Variants in CAMSAP2 observed in about 807,000 individuals in gnomAD.
CAMSAP2 encodes the protein calmodulin regulated spectrin associated protein family member 2.
In CAMSAP2, 26 loss-of-function variants were observed where a neutral mutation model predicts 146.1. The observed-to-expected ratio is 0.18, with a 90% CI of 0.13 to 0.25. The LOEUF (loss-of-function observed/expected upper bound fraction) is 0.25, where lower values mean the gene tolerates loss of function less well. Among genes scored for constraint, CAMSAP2 ranks in the 10% least tolerant of loss-of-function variants. The pLI, the probability that CAMSAP2 is intolerant of heterozygous loss-of-function variation, is 1.00. For missense variants in CAMSAP2, 1,381 were observed against 1,759.3 expected (o/e 0.78, Z 3.85); for synonymous variants, 499 against 596.6 (o/e 0.84, Z 2.38).
chr1:200,776,373 G>T (rs1013441522), intron 2 of CAMSAP2, among the ~76,000 whole-genome samples: 2 of 152,206 alleles, frequency 1.3e-5, no homozygotes, highest in African/African-American at 2.4e-5. Flanking sequence ...TAAAAGGGCT[G>T]TTTTTGTCCT....
chr1:200,754,197 T>G (rs927754855), intron 1 of CAMSAP2, among the ~76,000 whole-genome samples: 4 of 152,306 alleles, frequency 2.6e-5, no homozygotes, highest in African/African-American at 9.6e-5. Flanking sequence ...GTCTCTAAAT[T>G]TGGATTTGTT....
chr1:200,753,070 G>A (rs577301389), intron 1 of CAMSAP2, among the ~76,000 whole-genome samples: 75 of 151,906 alleles, frequency 4.9e-4, no homozygotes, highest in African/African-American at 1.7e-3. Context: ...TGAGGTGGGC[G>A]GATCACTTGA....
At chr1:200,830,084 A>G (rs1435433619) in intron 4 of CAMSAP2, among the ~76,000 whole-genome samples, 1 of 152,262 alleles carries the variant, frequency 6.6e-6, no homozygotes, top group African/African-American at 2.4e-5. Flanking sequence ...TTTCCATGCA[A>G]TAAGTTTATA....
chr1:200,740,079 T>C, intron 1 of CAMSAP2, 113 bp downstream of exon 1: 1 of 1,175,294 alleles, frequency 8.5e-7, no homozygotes, highest in East Asian at 2.4e-5. Flanking sequence ...TCGTACAGGT[T>C]AAGGGAGATG....
intron 4 of CAMSAP2, among the ~76,000 whole-genome samples, chr1:200,823,244 G>C (rs895994232): frequency 6.6e-6 from 1 of 152,088 alleles, no homozygotes; most frequent in Non-Finnish European, 1.5e-5. Context: ...ATCTGAATGA[G>C]CTTATGGATA....
intron 3 of CAMSAP2, 51 bp from the exon 4 acceptor site, chr1:200,815,510 G>A: frequency 1.1e-6 from 1 of 944,588 alleles, no homozygotes; most frequent in Non-Finnish European, 1.5e-6. Flanking sequence ...ATATTTGAAT[G>A]TAAATTCAAA....
At position 200,761,054 on chromosome 1, in the gene CAMSAP2, A is replaced by G; in HGVS notation, c.355A>G (p.Lys119Glu). The G allele has an allele frequency of 1.9e-6, 3 of 1,572,566 alleles. No individual in the cohort carries two copies. Among genetic ancestry groups the G allele is most frequent in the Non-Finnish European group, 2.6e-6 (3 of 1,159,568 alleles). ...AGGTCTTTATGTCACTGACCAGGAAAAATTGGTAACTGAACGAGATCTCCA... is the reference window on the plus strand; with the variant it reads ...AGGTCTTTATGTCACTGACCAGGAAGAATTGGTAACTGAACGAGATCTCCA... ...QKGLYVTDQE[K>E]LVTERDLHKK... Residue 119 changes from lysine (K) to glutamate (E), a missense_variant, in exon 2 of 17, where the codon AAA (lysine) becomes GAA (glutamate). Physicochemically the swap from Lys to Glu is moderately conservative, Grantham distance 56 (BLOSUM62 1). This residue lies in a region of CAMSAP2 where 284 missense variants were observed against 406.9 expected (regional missense o/e 0.70). Coordinates refer to ENST00000358823, the MANE Select transcript of CAMSAP2 (RefSeq NM_203459.4).
rs1381759529 is a variant in CAMSAP2, at chr1:200,850,211, G to T, written c.3442G>T (p.Val1148Leu). 6 of 1,588,744 alleles carry T rather than the reference G, an allele frequency of 3.8e-6. No homozygotes were observed. The highest frequency in any genetic ancestry group is 4.3e-6 in the Non-Finnish European group (5 of 1,170,414). The part of the protein sequence containing the change: ...DKEQFDDDQK[V>L]CCGFFFKDDQ... The stretch of plus-strand genomic sequence containing the variant: ...AGAACAATTTGATGATGACCAGAAA[G>T]TATGCTGTGGATTCTTTTTTAAGGT... The change falls in exon 11 of 17, where the codon GTA becomes TTA. Residue 1148 changes from valine (V) to leucine (L), a missense_variant. Physicochemically the swap from Val to Leu is conservative, Grantham distance 32. This residue lies in a region of CAMSAP2 where 560 missense variants were observed against 715.9 expected (regional missense o/e 0.78). Transcript: ENST00000358823.
rs1003563360 is a variant in CAMSAP2, at chr1:200,832,711, T to G, written c.793T>G (p.Cys265Gly). The change falls in exon 6 of 17, where the codon TGT (cysteine) becomes GGT (glycine). Residue 265 changes from cysteine (C) to glycine (G), a missense_variant. Transcript: ENST00000358823. The surrounding 1 kb of genome is among the most constrained non-coding windows in gnomAD (Gnocchi z 4.2). ...TGCTCTTTTCTTATTTGAAGATATTTGTTTGAAAGAAACTATGTCTTTGGC... is the reference window on the plus strand; with the variant it reads ...TGCTCTTTTCTTATTTGAAGATATTGGTTTGAAAGAAACTATGTCTTTGGC... ...CPDVVRLEDI[C>G]LKETMSLADS... 3 of 1,593,992 alleles carry G rather than the reference T, an allele frequency of 1.9e-6. No individual in the cohort carries two copies. The highest frequency in any genetic ancestry group is 2.6e-6 in the Non-Finnish European group (3 of 1,173,296).
chr1:200,785,511 C>T lies in CAMSAP2; in HGVS notation c.400-21865C>T, dbSNP rs1665562368. ...TCAAGCGATTCTCCTATCTCAGCCT[C>T]CGAAGTAGCTGGGATTACAGGTGTC... On this transcript the variant is annotated intron_variant, in intron 2 of 16. Coordinates refer to ENST00000358823, the MANE Select transcript of CAMSAP2 (RefSeq NM_203459.4). 2.7e-5 allele frequency among the ~76,000 whole-genome samples: 4 copies of T among 150,444 alleles called. No homozygotes were observed. In the South Asian group the frequency reaches 8.4e-4, roughly 32 times the overall value.
intron 4 of CAMSAP2, among the ~76,000 whole-genome samples, chr1:200,826,132 A>G (rs185393465): frequency 6.6e-5 from 10 of 152,210 alleles, no homozygotes; most frequent in East Asian, 3.9e-4. Context: ...TGCAACAGCT[A>G]GGAGATTAAG....
rs536502263 is a variant in CAMSAP2, at chr1:200,806,471, A to G, written c.400-905A>G. On this transcript the variant is annotated intron_variant, in intron 2 of 16. Coordinates refer to ENST00000358823, the MANE Select transcript of CAMSAP2 (RefSeq NM_203459.4). ...GGCAGGCTGATAACGTTGGTGGGAG[A>G]TAAGTTGGTGTAACCTTTCTAGAGA... 1.6e-4 allele frequency among the ~76,000 whole-genome samples: 24 copies of G among 152,244 alleles called. No homozygotes were observed. In the South Asian group the frequency reaches 3.9e-3, roughly 25 times the overall value.
At chr1:200,838,048 A>G (rs1052190488) in intron 6 of CAMSAP2, among the ~76,000 whole-genome samples, 4 of 152,196 alleles carry the variant, frequency 2.6e-5, no homozygotes, top group African/African-American at 4.8e-5. Flanking sequence ...TTAATCTGGC[A>G]TCATTCCTGA....
At chr1:200,786,760 A>C (rs2103027398) in intron 2 of CAMSAP2, among the ~76,000 whole-genome samples, 1 of 152,306 alleles carries the variant, frequency 6.6e-6, no homozygotes, top group Non-Finnish European at 1.5e-5. Flanking sequence ...GCTAGAGAGG[A>C]GAAGTCAGTG....
intron 7 of CAMSAP2, among the ~76,000 whole-genome samples, chr1:200,842,490 AC>A (rs1386339720): frequency 6.6e-6 from 1 of 152,208 alleles, no homozygotes; most frequent in Admixed American, 6.5e-5. Flanking sequence ...GGATTTTTAA[AC>A]CTAGTGGATT....
chr1:200,753,061 G>T (rs1242081999), intron 1 of CAMSAP2, among the ~76,000 whole-genome samples: 1 of 151,918 alleles, frequency 6.6e-6, no homozygotes, highest in Non-Finnish European at 1.5e-5. Flanking sequence ...TTGGAAGATT[G>T]AGGTGGGCGG....
intron 2 of CAMSAP2, among the ~76,000 whole-genome samples, chr1:200,799,203 C>G (rs528209108): frequency 1.3e-5 from 2 of 152,180 alleles, no homozygotes; most frequent in East Asian, 3.9e-4. Flanking sequence ...ATGGAGAAGT[C>G]CCTCTTTTTC....
Position 200,739,851 on chromosome 1 carries a change from G to A in CAMSAP2, c.24G>A (p.Arg8=). 3 of 1,614,160 alleles carry A rather than the reference G, an allele frequency of 1.9e-6. No individual in the cohort carries two copies. The South Asian group carries it at 3.3e-5, about 18-fold the overall frequency. Residue 8 remains arginine (R), a synonymous_variant, in exon 1 of 17, where the codon AGG becomes AGA. Transcript: ENST00000358823. This position sits in a 1 kb window ranked among gnomAD's most constrained non-coding sequence, Gnocchi z 4.8. Reference sequence around the variant, plus strand: ...AGATGGGGGATGCTGCAGACCCCAGGGAGATGAGAAAGACGTTCATTGTTC... The same window carrying A: ...AGATGGGGGATGCTGCAGACCCCAGAGAGATGAGAAAGACGTTCATTGTTC... The part of the protein sequence containing the change: MGDAADP[R]EMRKTFIVPA...
At chr1:200,755,938 C>T (rs527601549) in intron 1 of CAMSAP2, among the ~76,000 whole-genome samples, 66 of 152,146 alleles carry the variant, frequency 4.3e-4, no homozygotes, top group African/African-American at 1.6e-3. Context: ...ACCATTCATT[C>T]GGTTAAGGGG....
Sources: gnomAD v4.1 joint callset for allele counts (sites outside exome capture counted in the v4.1 genomes callset) on GRCh38, gnomAD v4.1.1 for gene constraint, gnomAD v4.1.1 regional missense constraint, Gnocchi (gnomAD v3.1) non-coding constraint, MANE v1.5 for transcripts, NCBI Gene and HGNC (gene_info 2026-07-23, HGNC 2026-07-21) for gene names.